COL5A2: variants seen among roughly 807,000 people sequenced by gnomAD.
COL5A2 encodes collagen type V alpha 2 chain, also known as collagen alpha-2(V) chain.
A neutral mutation model predicts 208.2 loss-of-function variants in COL5A2; 23 were observed. The observed-to-expected ratio is 0.11, with a 90% CI of 0.08 to 0.16. The LOEUF (loss-of-function observed/expected upper bound fraction) is 0.16, where lower values mean the gene tolerates loss of function less well. COL5A2 is among the 10% of genes least tolerant of loss of function. COL5A2 has a pLI of 1.00. For missense variants in COL5A2, 1,590 were observed against 1,956.4 expected (o/e 0.81, Z 3.53); for synonymous variants, 625 against 628.5 (o/e 0.99, Z 0.08).
chr2:189,364,663 G>A, the COL5A2 span, among the ~76,000 whole-genome samples: 2 of 151,596 alleles, frequency 1.3e-5, no homozygotes, highest in Admixed American at 1.3e-4. Flanking sequence ...CAGCATGGGC[G>A]ACAGAGCAAG....
chr2:189,397,203 T>C, the COL5A2 span, among the ~76,000 whole-genome samples: 1 of 152,072 alleles, frequency 6.6e-6, no homozygotes, highest in African/African-American at 2.4e-5. Flanking sequence ...AGGAGACACT[T>C]AGGCCTGATG....
chr2:189,186,217 G>A (rs760517562), intron 1 of COL5A2, among the ~76,000 whole-genome samples: 6 of 151,680 alleles, frequency 4.0e-5, no homozygotes, highest in Non-Finnish European at 4.4e-5. Context: ...GGCTGGTTTC[G>A]AATTCCTGGG....
At chr2:189,429,042 C>T in the COL5A2 span, among the ~76,000 whole-genome samples, 1 of 152,086 alleles carries the variant, frequency 6.6e-6, no homozygotes, top group Non-Finnish European at 1.5e-5. Flanking sequence ...GGCTATTGTA[C>T]AGCATAGGGA....
At chr2:189,426,603 C>T in the COL5A2 span, among the ~76,000 whole-genome samples, 2 of 152,326 alleles carry the variant, frequency 1.3e-5, no homozygotes, top group South Asian at 4.1e-4. Context: ...CCTGAGGCTG[C>T]GTCATGAGCA....
At chr2:189,244,713 C>T in the COL5A2 span, among the ~76,000 whole-genome samples, 1 of 152,208 alleles carries the variant, frequency 6.6e-6, no homozygotes, top group East Asian at 1.9e-4. Flanking sequence ...CCAAACTGTT[C>T]CAACATCTGC....
the COL5A2 span, among the ~76,000 whole-genome samples, chr2:189,326,799 G>A: frequency 7.6e-4 from 116 of 151,710 alleles, 1 homozygote; most frequent in African/African-American, 2.6e-3. Flanking sequence ...GGCCAGGCGC[G>A]GTGGTTCACA....
At chr2:189,068,327 G>A in intron 19 of COL5A2, 57 bp from the exon 20 acceptor site, 1 of 1,397,142 alleles carries the variant, frequency 7.2e-7, no homozygotes, top group Non-Finnish European at 1.0e-6. Flanking sequence ...AGATACAAAT[G>A]TGCTAGTATA....
intron 7 of COL5A2, among the ~76,000 whole-genome samples, chr2:189,090,539 T>C (rs1283247904): frequency 6.6e-6 from 1 of 152,238 alleles, no homozygotes; most frequent in African/African-American, 2.4e-5. Flanking sequence ...TGGAAGAAGA[T>C]GCCATCTAGG....
the COL5A2 span, among the ~76,000 whole-genome samples, chr2:189,262,533 A>T: frequency 6.6e-6 from 1 of 152,140 alleles, no homozygotes; most frequent in African/African-American, 2.4e-5. Flanking sequence ...TGGTTCACCG[A>T]CTAGTTCTCT....
the COL5A2 span, among the ~76,000 whole-genome samples, chr2:189,301,494 C>T: frequency 2.6e-5 from 4 of 152,036 alleles, no homozygotes; most frequent in Non-Finnish European, 5.9e-5. Flanking sequence ...ATCATTTTTG[C>T]TGTTTTTTCC....
chr2:189,257,376 AT>A, the COL5A2 span, among the ~76,000 whole-genome samples: 300 of 152,330 alleles, frequency 2.0e-3, no homozygotes, highest in African/African-American at 6.8e-3. Context: ...ATATAAAAAC[AT>A]TATGTGAACA....
intron 42 of COL5A2, 101 bp from the exon 43 acceptor site, chr2:189,050,777 G>A (rs970191507): frequency 2.3e-5 from 22 of 972,194 alleles, no homozygotes; most frequent in Non-Finnish European, 3.5e-5. Flanking sequence ...TTTTCAGTAT[G>A]AAAAAGAAGT....
chr2:189,424,791 A>C, the COL5A2 span, among the ~76,000 whole-genome samples: 1 of 152,202 alleles, frequency 6.6e-6, no homozygotes, highest in Non-Finnish European at 1.5e-5. Flanking sequence ...GGCATTCTTT[A>C]CATAAAGAGA....
At chr2:189,378,126 G>A in the COL5A2 span, among the ~76,000 whole-genome samples, 20 of 152,298 alleles carry the variant, frequency 1.3e-4, no homozygotes, top group African/African-American at 4.6e-4. Context: ...ATTGTAATAA[G>A]AGAAATCTTC....
the COL5A2 span, among the ~76,000 whole-genome samples, chr2:189,409,982 A>G: frequency 6.6e-6 from 1 of 152,166 alleles, no homozygotes; most frequent in Non-Finnish European, 1.5e-5. Context: ...AGCAATATGA[A>G]AGCTTCTCTC....
At chr2:189,071,700 G>GA (rs1249696102) in intron 18 of COL5A2, among the ~76,000 whole-genome samples, 27 of 151,974 alleles carry the variant, frequency 1.8e-4, no homozygotes, top group African/African-American at 6.3e-4. Context: ...TTACTTCCAG[G>GA]TACTCTATTC....
chr2:189,169,922 G>A (rs1326410400), intron 1 of COL5A2, among the ~76,000 whole-genome samples: 31 of 152,136 alleles, frequency 2.0e-4, no homozygotes, highest in Admixed American at 2.0e-3. Flanking sequence ...TCACCATGTT[G>A]GTCAGGCTGT....
chr2:189,053,641 T>C (rs1341859197), intron 37 of COL5A2, among the ~76,000 whole-genome samples, 164 bp from the exon 38 acceptor site: 2 of 152,158 alleles, frequency 1.3e-5, no homozygotes, highest in South Asian at 2.1e-4. Context: ...ATATAGGTCA[T>C]AGAACAAAAT....
At chr2:189,062,229 G>GC (rs1686048989) in intron 29 of COL5A2, among the ~76,000 whole-genome samples, 2 of 150,442 alleles carry the variant, frequency 1.3e-5, no homozygotes, top group Admixed American at 6.6e-5. Context: ...TGCCACCCAG[G>GC]CTGGAGTGCA....
Sources: gnomAD v4.1 joint callset for allele counts (sites outside exome capture counted in the v4.1 genomes callset) on GRCh38, gnomAD v4.1.1 for gene constraint, MANE v1.5 for transcripts, NCBI Gene and HGNC (gene_info 2026-07-23, HGNC 2026-07-21) for gene names.